Variants in CACNB2 observed in about 807,000 individuals in gnomAD.
CACNB2 encodes voltage-dependent L-type calcium channel subunit beta-2.
Under a neutral mutation model 73.3 loss-of-function variants are expected in CACNB2, and 42 were observed. The ratio of observed to expected loss-of-function variants is 0.57; its 90% CI spans 0.45 to 0.74. The LOEUF (loss-of-function observed/expected upper bound fraction) is 0.74, where lower values mean the gene tolerates loss of function less well. Ranked by LOEUF, CACNB2 falls within the 30% of genes least tolerant of loss-of-function variation. The pLI, the probability that CACNB2 is intolerant of heterozygous loss-of-function variation, is 0.00. For synonymous variants in CACNB2, 348 were observed against 310.3 expected, an observed-to-expected ratio of 1.12 and a Z score of -1.28; for missense variants, 940 against 853.0, an observed-to-expected ratio of 1.10 and a Z score of -1.27.
At chr10:18,268,034 A>G (rs778743247) in intron 2 of CACNB2, among the ~76,000 whole-genome samples, 4 of 152,352 alleles carry the variant, frequency 2.6e-5, no homozygotes, top group East Asian at 3.9e-4. Flanking sequence ...TAAGTACTCA[A>G]GTAAATGTGA....
chr10:18,389,341 G>A (rs1057170621), intron 2 of CACNB2, among the ~76,000 whole-genome samples: 1 of 152,138 alleles, frequency 6.6e-6, no homozygotes. Context: ...GTCTCCCTAT[G>A]TTGCAAAGGC....
At chr10:18,296,542 A>G (rs1001523159) in intron 2 of CACNB2, among the ~76,000 whole-genome samples, 5 of 152,186 alleles carry the variant, frequency 3.3e-5, no homozygotes, top group African/African-American at 1.2e-4. Context: ...GAGAGATCAC[A>G]CCAGGTGGCT....
chr10:18,262,615 A>C (rs1391920244), intron 2 of CACNB2, among the ~76,000 whole-genome samples: 1 of 152,212 alleles, frequency 6.6e-6, no homozygotes, highest in African/African-American at 2.4e-5. Flanking sequence ...CAAACTTTTT[A>C]GAGTATAAGA....
intron 2 of CACNB2, among the ~76,000 whole-genome samples, chr10:18,190,473 G>A (rs982011132): frequency 6.6e-6 from 1 of 152,066 alleles, no homozygotes; most frequent in African/African-American, 2.4e-5. Context: ...CCTGGAAGAG[G>A]CAAACAATTG....
chr10:18,277,863 C>T (rs1437144992), intron 2 of CACNB2, among the ~76,000 whole-genome samples: 1 of 151,978 alleles, frequency 6.6e-6, no homozygotes, highest in Non-Finnish European at 1.5e-5. Flanking sequence ...GCTTTTGATT[C>T]CTGAGTCAAT....
chr10:18,277,704 A>T (rs558865484), intron 2 of CACNB2, among the ~76,000 whole-genome samples: 1 of 152,342 alleles, frequency 6.6e-6, no homozygotes, highest in Middle Eastern at 3.4e-3. Context: ...TTTAATCAAT[A>T]TTTATTTAAT....
At chr10:18,144,082 C>A (rs893600470) in intron 1 of CACNB2, among the ~76,000 whole-genome samples, 2 of 151,766 alleles carry the variant, frequency 1.3e-5, no homozygotes, top group Non-Finnish European at 2.9e-5. Flanking sequence ...TGTTTTTGTT[C>A]TGTTTTGTGT....
chr10:18,241,490 G>C (rs754503860), intron 2 of CACNB2, among the ~76,000 whole-genome samples: 2 of 151,824 alleles, frequency 1.3e-5, no homozygotes, highest in African/African-American at 2.4e-5. Context: ...TGTAGATGAC[G>C]GGTTGATGGG....
intron 6 of CACNB2, among the ~76,000 whole-genome samples, chr10:18,508,144 T>C (rs758810016): frequency 6.6e-6 from 1 of 150,824 alleles, no homozygotes; most frequent in Non-Finnish European, 1.5e-5. Context: ...TATATAGAAT[T>C]CCAAGTTCTA....
intron 2 of CACNB2, among the ~76,000 whole-genome samples, chr10:18,267,716 C>T (rs1355838243): frequency 6.6e-6 from 1 of 152,190 alleles, no homozygotes; most frequent in Non-Finnish European, 1.5e-5. Context: ...AACCTCTGGG[C>T]ATGTGTAGAG....
chr10:18,243,753 C>T (rs1271952517), intron 2 of CACNB2, among the ~76,000 whole-genome samples: 1 of 152,126 alleles, frequency 6.6e-6, no homozygotes, highest in Non-Finnish European at 1.5e-5. Context: ...CACCTGATCC[C>T]CTTCCGGCTG....
chr10:18,345,927 G>A (rs751570578), intron 2 of CACNB2, among the ~76,000 whole-genome samples: 2 of 152,190 alleles, frequency 1.3e-5, no homozygotes, highest in African/African-American at 2.4e-5. Context: ...ACCGAAGCAC[G>A]CTTAGTATGA....
At chr10:18,441,122 C>T (rs956370018) in intron 3 of CACNB2, among the ~76,000 whole-genome samples, 2 of 152,096 alleles carry the variant, frequency 1.3e-5, no homozygotes, top group Admixed American at 6.5e-5. Flanking sequence ...AATAACCATC[C>T]GGCTGGGTGT....
At chr10:18,414,794 A>G (rs2044847862) in intron 3 of CACNB2, among the ~76,000 whole-genome samples, 1 of 151,890 alleles carries the variant, frequency 6.6e-6, no homozygotes, top group Non-Finnish European at 1.5e-5. Context: ...ATCTTAGAGC[A>G]CTATAACTGA....
chr10:18,232,196 T>A (rs1459906762), intron 2 of CACNB2, among the ~76,000 whole-genome samples: 1 of 152,224 alleles, frequency 6.6e-6, no homozygotes, highest in African/African-American at 2.4e-5. Context: ...AAAGAAGATA[T>A]AATAATATTT....
chr10:18,443,417 G>C (rs921964857), intron 3 of CACNB2, among the ~76,000 whole-genome samples: 1 of 152,060 alleles, frequency 6.6e-6, no homozygotes, highest in Non-Finnish European at 1.5e-5. Context: ...GGGCCAGCAG[G>C]AGCCCAGGCC....
chr10:18,495,058 A>C (rs1024512590), intron 3 of CACNB2, among the ~76,000 whole-genome samples: 3 of 152,158 alleles, frequency 2.0e-5, no homozygotes, highest in Non-Finnish European at 4.4e-5. Flanking sequence ...TTAATAACTC[A>C]TGTCTGACAC....
chr10:18,170,326 A>G (rs539725270), intron 2 of CACNB2, among the ~76,000 whole-genome samples: 3 of 152,348 alleles, frequency 2.0e-5, no homozygotes, highest in African/African-American at 4.8e-5. Flanking sequence ...GAGAGCTCTC[A>G]GATTCCTACA....
chr10:18,327,049 A>T (rs2131989556), intron 2 of CACNB2, among the ~76,000 whole-genome samples: 1 of 152,140 alleles, frequency 6.6e-6, no homozygotes, highest in African/African-American at 2.4e-5. Context: ...TTTTTTTTTA[A>T]GCATTCCCAT....
Sources: allele counts gnomAD v4.1 joint callset (sites outside exome capture counted in the v4.1 genomes callset), GRCh38; gene constraint gnomAD v4.1.1; transcripts MANE v1.5; gene names NCBI Gene and HGNC (gene_info 2026-07-23, HGNC 2026-07-21).